Variants in KCNIP4 observed in about 807,000 individuals in gnomAD.
KCNIP4 encodes Kv channel-interacting protein 4.
A neutral mutation model predicts 34.0 loss-of-function variants in KCNIP4; 12 were observed. The ratio of observed to expected loss-of-function variants is 0.35; its 90% CI spans 0.23 to 0.57. The LOEUF (loss-of-function observed/expected upper bound fraction) is 0.57, where lower values mean the gene tolerates loss of function less well. KCNIP4 is among the 20% of genes least tolerant of loss of function. The pLI, the probability that KCNIP4 is intolerant of heterozygous loss-of-function variation, is 0.83. For synonymous variants in KCNIP4, 124 were observed against 102.2 expected (o/e 1.21, Z -1.29); for missense variants, 238 against 311.7 (o/e 0.76, Z 1.78).
intron 1 of KCNIP4, among the ~76,000 whole-genome samples, chr4:21,113,482 G>GAAAAAAAAAAAAAAAAAAAAAAAAAAAA (rs1164913472): frequency 6.4e-5 from 7 of 109,454 alleles, no homozygotes; most frequent in South Asian, 2.9e-4. Flanking sequence ...AAAAAAAAAG[G>GAAAAAAAAAAAAAAAAAAAAAAAAAAAA]AAAGCTATAC....
At chr4:21,851,578 T>C (rs536846657) in intron 1 of KCNIP4, 127 of 152,192 alleles carry the variant, frequency 8.3e-4, no homozygotes, top group African/African-American at 2.6e-3. Flanking sequence ...AAAATTAAAA[T>C]GAAAAAAATA....
intron 1 of KCNIP4, among the ~76,000 whole-genome samples, chr4:21,611,942 G>T (rs550875079): frequency 6.6e-6 from 1 of 152,162 alleles, no homozygotes; most frequent in Admixed American, 6.5e-5. Context: ...TAAACTTAGA[G>T]AAACTGCATG....
intron 1 of KCNIP4, among the ~76,000 whole-genome samples, chr4:21,193,154 A>G (rs923373196): frequency 3.3e-5 from 5 of 151,952 alleles, no homozygotes; most frequent in Non-Finnish European, 5.9e-5. Context: ...TTAGAAGAGT[A>G]ATAATGAAGA....
chr4:21,466,072 A>G (rs1165372372), intron 1 of KCNIP4, among the ~76,000 whole-genome samples: 1 of 152,092 alleles, frequency 6.6e-6, no homozygotes, highest in Non-Finnish European at 1.5e-5. Context: ...TCCAGCCCTT[A>G]CAACACACAA....
At chr4:21,326,195 C>A (rs903813696) in intron 1 of KCNIP4, among the ~76,000 whole-genome samples, 2 of 151,684 alleles carry the variant, frequency 1.3e-5, no homozygotes, top group Non-Finnish European at 3.0e-5. Flanking sequence ...GTGTTGAAGT[C>A]TCCAGCTATT....
At chr4:21,869,431 T>C (rs1725629139) in intron 1 of KCNIP4, among the ~76,000 whole-genome samples, 1 of 152,158 alleles carries the variant, frequency 6.6e-6, no homozygotes, top group Non-Finnish European at 1.5e-5. Flanking sequence ...TTTAAGTTTC[T>C]GGGCCTTCCT....
At chr4:21,141,063 C>A (rs1163003899) in intron 1 of KCNIP4, among the ~76,000 whole-genome samples, 1 of 152,184 alleles carries the variant, frequency 6.6e-6, no homozygotes, top group Non-Finnish European at 1.5e-5. Flanking sequence ...ACAAGTCAGA[C>A]AAACTTTTTG....
intron 1 of KCNIP4, among the ~76,000 whole-genome samples, chr4:21,587,423 T>C (rs1321352444): frequency 6.6e-6 from 1 of 152,056 alleles, no homozygotes; most frequent in Non-Finnish European, 1.5e-5. Flanking sequence ...CATCACTCCA[T>C]TTAATTTCTG....
chr4:21,592,303 G>C lies in KCNIP4; in HGVS notation c.61+356268C>G, dbSNP rs146397377. Among the ~76,000 whole-genome samples the C allele has an allele frequency of 3.2e-3, 484 of 152,170 alleles. 3 individuals carry two copies. The highest frequency in any genetic ancestry group is 0.011 in the African/African-American group (462 of 41,552). ...TCCATCTTGGTAACTATGGATCATG[G>C]ATGTCTCATTTTTTTCTCTGTAACA... On this transcript the variant is annotated intron_variant, in intron 1 of 8. Transcript: ENST00000382152.
At chr4:21,356,502 G>A (rs13146494) in intron 1 of KCNIP4, among the ~76,000 whole-genome samples, 5,555 of 152,116 alleles carry the variant, frequency 0.037, 240 homozygotes, top group East Asian at 0.2. Flanking sequence ...AAAAATCACA[G>A]GCATTCTTAT....
intron 1 of KCNIP4, among the ~76,000 whole-genome samples, chr4:21,268,146 T>A (rs1761931587): frequency 6.6e-6 from 1 of 152,246 alleles, no homozygotes; most frequent in African/African-American, 2.4e-5. Flanking sequence ...AAAAGGTCAC[T>A]TTTAATGATT....
intron 1 of KCNIP4, among the ~76,000 whole-genome samples, chr4:21,125,815 T>C (rs939196611): frequency 6.6e-6 from 1 of 152,142 alleles, no homozygotes; most frequent in African/African-American, 2.4e-5. Flanking sequence ...GTCACATCAC[T>C]CACTATATTT....
chr4:21,931,333 A>G (rs1425710527), intron 1 of KCNIP4, among the ~76,000 whole-genome samples: 1 of 151,094 alleles, frequency 6.6e-6, no homozygotes, highest in African/African-American at 2.4e-5. Flanking sequence ...TTTGTTACAT[A>G]TGTATACATG....
In KCNIP4 at chr4:21,218,956, G is replaced by T. The variant is rs537200766; in HGVS notation, c.62-336247C>A. ...TCCAGAGATGGCTATTGCAAATCTT[G>T]ACAATATTTTTAGGACTTCTAGAAA... On this transcript the variant is annotated intron_variant, in intron 1 of 8. Transcript: ENST00000382152. 1.8e-3 allele frequency among the ~76,000 whole-genome samples: 268 copies of T among 152,070 alleles called. 1 individual carries two copies. Among genetic ancestry groups the T allele is most frequent in the Non-Finnish European group, 3.4e-3 (230 of 67,972 alleles).
intron 1 of KCNIP4, among the ~76,000 whole-genome samples, chr4:21,317,808 C>G (rs1713942725): frequency 6.6e-6 from 1 of 152,098 alleles, no homozygotes; most frequent in Non-Finnish European, 1.5e-5. Flanking sequence ...GTGAATAAGT[C>G]CCAGGAGATC....
At chr4:21,317,307 T>G (rs1286908383) in intron 1 of KCNIP4, among the ~76,000 whole-genome samples, 2 of 152,188 alleles carry the variant, frequency 1.3e-5, no homozygotes, top group Non-Finnish European at 2.9e-5. Context: ...TTGATGAACA[T>G]AGAAATCATT....
chr4:21,015,987 T>TAA (rs983230743), intron 1 of KCNIP4, among the ~76,000 whole-genome samples: 1 of 145,602 alleles, frequency 6.9e-6, no homozygotes, highest in Non-Finnish European at 1.5e-5. Context: ...GTACTATGCT[T>TAA]AAAAAATAAA....
At chr4:21,089,806 T>G (rs935779784) in intron 1 of KCNIP4, among the ~76,000 whole-genome samples, 5 of 152,234 alleles carry the variant, frequency 3.3e-5, no homozygotes, top group Admixed American at 3.3e-4. Context: ...TTCTTTACAT[T>G]TCAACCAGAC....
At chr4:21,433,432 A>C (rs1726672865) in intron 1 of KCNIP4, among the ~76,000 whole-genome samples, 1 of 152,114 alleles carries the variant, frequency 6.6e-6, no homozygotes, top group Non-Finnish European at 1.5e-5. Context: ...CAAGACCCCC[A>C]TCTCTATTAA....
Sources: allele counts gnomAD v4.1 joint callset (sites outside exome capture counted in the v4.1 genomes callset), GRCh38; gene constraint gnomAD v4.1.1; transcripts MANE v1.5; gene names NCBI Gene and HGNC (gene_info 2026-07-23, HGNC 2026-07-21).